Variants in MCM9 observed in about 807,000 individuals in gnomAD.
MCM9 encodes DNA helicase MCM9.
A neutral mutation model predicts 72.8 loss-of-function variants in MCM9; 55 were observed. That is an observed-to-expected ratio of 0.76 (90% CI 0.61 to 0.95). The LOEUF is 0.95. Ranked by LOEUF, MCM9 falls within the 40% of genes least tolerant of loss-of-function variation. The probability of loss-of-function intolerance (pLI) is 0.00; values close to 1 mark genes in which losing one functional copy is unlikely to be tolerated. For synonymous variants in MCM9, 480 were observed against 503.4 expected (o/e 0.95, Z 0.62); for missense variants, 1,279 against 1,377.0 (o/e 0.93, Z 1.13).
intron 3 of MCM9, among the ~76,000 whole-genome samples, chr6:118,929,992 G>A (rs2114444727): frequency 6.6e-6 from 1 of 152,174 alleles, no homozygotes; most frequent in East Asian, 1.9e-4. Context: ...CCTCCAAGAA[G>A]TTCTACTATA....
intron 3 of MCM9, among the ~76,000 whole-genome samples, chr6:118,925,453 G>A (rs1252888272): frequency 2.0e-5 from 3 of 152,164 alleles, no homozygotes; most frequent in Non-Finnish European, 2.9e-5. Flanking sequence ...AGTTTAGGAA[G>A]TATGAGGGGA....
chr6:118,921,232 C>G (rs1260329062), intron 5 of MCM9: 1 of 152,194 alleles, frequency 6.6e-6, no homozygotes, highest in African/African-American at 2.4e-5. Flanking sequence ...TCATCACCAT[C>G]TAAGGCCCAT....
intron 5 of MCM9, chr6:118,919,472 C>T (rs1048023523): frequency 1.3e-5 from 2 of 152,108 alleles, no homozygotes; most frequent in Non-Finnish European, 2.9e-5. Flanking sequence ...ATCTAGAAGA[C>T]GGCAAGTGCT....
intron 3 of MCM9, among the ~76,000 whole-genome samples, chr6:118,924,885 A>C (rs1021631235): frequency 1.1e-4 from 17 of 152,238 alleles, no homozygotes; most frequent in African/African-American, 4.1e-4. Flanking sequence ...CCCTATAAAA[A>C]ATTAAAAAAT....
intron 13 of MCM9, among the ~76,000 whole-genome samples, chr6:118,816,869 C>T (rs887282333): frequency 6.6e-6 from 1 of 152,142 alleles, no homozygotes; most frequent in Non-Finnish European, 1.5e-5. Context: ...TGTACTGGTG[C>T]TCACACTGCC....
At chr6:118,868,069 G>T (rs956827123) in intron 8 of MCM9, among the ~76,000 whole-genome samples, 3 of 151,976 alleles carry the variant, frequency 2.0e-5, no homozygotes, top group African/African-American at 7.2e-5. Flanking sequence ...TAGAGACGGG[G>T]TTTCACCATG....
intron 8 of MCM9, among the ~76,000 whole-genome samples, chr6:118,881,563 G>T (rs1048785243): frequency 3.3e-5 from 5 of 152,146 alleles, no homozygotes; most frequent in Non-Finnish European, 7.3e-5. Context: ...GAGGAAAAAT[G>T]GCACCAGAAA....
intron 8 of MCM9, among the ~76,000 whole-genome samples, chr6:118,881,713 A>G (rs2114391783): frequency 6.6e-6 from 1 of 152,358 alleles, no homozygotes; most frequent in Non-Finnish European, 1.5e-5. Context: ...TGAAGCAAGT[A>G]TAACTGGTGA....
chr6:118,922,351 C>T (rs1781498646), intron 4 of MCM9, among the ~76,000 whole-genome samples: 1 of 152,178 alleles, frequency 6.6e-6, no homozygotes, highest in Non-Finnish European at 1.5e-5. Flanking sequence ...TATGCTCCAA[C>T]TACTAAATTT....
At chr6:118,902,126 T>A (rs1424701496) in intron 8 of MCM9, among the ~76,000 whole-genome samples, 1 of 152,138 alleles carries the variant, frequency 6.6e-6, no homozygotes, top group Non-Finnish European at 1.5e-5. Context: ...TTAATCAAAG[T>A]TGTGTGAGTG....
At chr6:118,900,023 TC>T (rs1474648840) in intron 8 of MCM9, among the ~76,000 whole-genome samples, 3 of 152,352 alleles carry the variant, frequency 2.0e-5, no homozygotes, top group Non-Finnish European at 4.4e-5. Context: ...CTCAGTAAAA[TC>T]CGCTATATTG....
At chr6:118,864,823 G>A (rs1420204755) in intron 8 of MCM9, among the ~76,000 whole-genome samples, 2 of 152,276 alleles carry the variant, frequency 1.3e-5, no homozygotes, top group South Asian at 4.1e-4. Flanking sequence ...ATGGGCACTC[G>A]AGTACTTCTG....
At chr6:118,909,124 A>T (rs1780362728) in intron 8 of MCM9, 2 of 152,216 alleles carry the variant, frequency 1.3e-5, no homozygotes. Context: ...ATTAAAAGAA[A>T]AATGTTAAAA....
At chr6:118,905,965 C>CT (rs1228770027) in intron 8 of MCM9, 6 of 595,602 alleles carry the variant, frequency 1.0e-5, no homozygotes, top group African/African-American at 1.9e-5. Flanking sequence ...ACTGGGCAAA[C>CT]TAATTATTGT....
At chr6:118,825,415 G>A (rs1048819465) in intron 13 of MCM9, among the ~76,000 whole-genome samples, 6 of 152,122 alleles carry the variant, frequency 3.9e-5, no homozygotes, top group African/African-American at 1.2e-4. Flanking sequence ...GAATTCTCAA[G>A]GATTTTTTTT....
intron 9 of MCM9, among the ~76,000 whole-genome samples, chr6:118,848,882 A>G (rs1253954909): frequency 6.6e-6 from 1 of 152,156 alleles, no homozygotes; most frequent in African/African-American, 2.4e-5. Context: ...AGATTGTGCC[A>G]CTGCACTCCA....
intron 9 of MCM9, among the ~76,000 whole-genome samples, chr6:118,843,665 T>TATATATGTGTATATATAG (rs1775607918): frequency 5.9e-5 from 1 of 17,034 alleles, no homozygotes; most frequent in Non-Finnish European, 1.5e-4. Flanking sequence ...TGTGTATATA[T>TATATATGTGTATATATAG]ATATGTATGT....
Position 118,843,703 on chromosome 6 carries a change from T to C in MCM9, c.1325+12668A>G, listed in dbSNP as rs1180430871. Among the ~76,000 whole-genome samples the C allele has an allele frequency of 2.3e-4, 21 of 92,136 alleles. 1 individual carries two copies. Among genetic ancestry groups the C allele is most frequent in the African/African-American group, 3.9e-4 (9 of 22,798 alleles). The allele number at this position is 92,136 out of a possible 152,430, so 60.4% of individuals were successfully genotyped here. A position where few individuals can be genotyped will look rare whatever the true frequency, so the allele number is the denominator to read the frequency against. ...ATATATATGTGTATATATATATATATGTATGTATATATATATGTATATATA... is the reference window on the plus strand; with the variant it reads ...ATATATATGTGTATATATATATATACGTATGTATATATATATGTATATATA... On this transcript the variant is annotated intron_variant, in intron 9 of 13. Coordinates refer to ENST00000619706, the MANE Select transcript of MCM9 (RefSeq NM_017696.3).
At chr6:118,852,430 G>T (rs1237443754) in intron 9 of MCM9, among the ~76,000 whole-genome samples, 1 of 151,450 alleles carries the variant, frequency 6.6e-6, no homozygotes, top group Non-Finnish European at 1.5e-5. Context: ...CCAATCTAAA[G>T]ATTTATCCTT....
Sources: gnomAD v4.1 joint callset for allele counts (sites outside exome capture counted in the v4.1 genomes callset) on GRCh38, gnomAD v4.1.1 for gene constraint, MANE v1.5 for transcripts, NCBI Gene and HGNC (gene_info 2026-07-23, HGNC 2026-07-21) for gene names.